FHL5: variants seen among roughly 807,000 people sequenced by gnomAD.
FHL5 encodes four and a half LIM domains protein 5.
A neutral mutation model predicts 32.0 loss-of-function variants in FHL5; 33 were observed. That is an observed-to-expected ratio of 1.03 (90% CI 0.78 to 1.38). FHL5 has a LOEUF of 1.38. FHL5 is among the 40% of genes most tolerant of loss of function. The pLI is 0.00. For synonymous variants in FHL5, 114 were observed against 113.6 expected (o/e 1.00, Z -0.02); for missense variants, 336 against 343.9 (o/e 0.98, Z 0.18).
At chr6:96,614,260 G>A (rs994308320) in intron 5 of FHL5, among the ~76,000 whole-genome samples, 1 of 152,146 alleles carries the variant, frequency 6.6e-6, no homozygotes, top group Non-Finnish European at 1.5e-5. Context: ...TTTATGAACA[G>A]CATAATTTAT....
At chr6:96,571,115 C>A (rs775918696) in intron 1 of FHL5, among the ~76,000 whole-genome samples, 1 of 152,038 alleles carries the variant, frequency 6.6e-6, no homozygotes. Context: ...GTGAAATAAT[C>A]ACCTTTTTCA....
intron 1 of FHL5, among the ~76,000 whole-genome samples, chr6:96,580,996 A>T (rs1340208954): frequency 6.6e-6 from 1 of 152,180 alleles, no homozygotes; most frequent in African/African-American, 2.4e-5. Context: ...CTTATATTTG[A>T]AAACATATTT....
chr6:96,593,881 C>T (rs959093521), intron 1 of FHL5, among the ~76,000 whole-genome samples: 31 of 151,994 alleles, frequency 2.0e-4, no homozygotes, highest in Non-Finnish European at 1.0e-4. Flanking sequence ...TTCACAGCAG[C>T]CTCATGGTTT....
At chr6:96,614,916 G>A (rs114342218) in intron 5 of FHL5, among the ~76,000 whole-genome samples, 2 of 152,160 alleles carry the variant, frequency 1.3e-5, no homozygotes, top group Non-Finnish European at 2.9e-5. Flanking sequence ...AACCAATCAC[G>A]TGATAACGTG....
At chr6:96,598,769 A>G (rs1771086853) in intron 1 of FHL5, among the ~76,000 whole-genome samples, 2 of 152,194 alleles carry the variant, frequency 1.3e-5, no homozygotes, top group Non-Finnish European at 2.9e-5. Flanking sequence ...TTAGTGATTT[A>G]TGAAATGTCC....
chr6:96,599,623 T>C (rs547378339), intron 1 of FHL5, among the ~76,000 whole-genome samples: 26 of 152,348 alleles, frequency 1.7e-4, no homozygotes, highest in African/African-American at 6.0e-4. Flanking sequence ...CATTATGTTC[T>C]TTGATATATC....
chr6:96,572,398 G>T (rs1652540835), intron 1 of FHL5, among the ~76,000 whole-genome samples: 3 of 152,244 alleles, frequency 2.0e-5, no homozygotes, highest in African/African-American at 4.8e-5. Flanking sequence ...GGAGGAGTTG[G>T]TAGAGCAATT....
intron 5 of FHL5, among the ~76,000 whole-genome samples, chr6:96,612,504 A>G (rs1162731775): frequency 6.6e-6 from 1 of 152,198 alleles, no homozygotes; most frequent in African/African-American, 2.4e-5. Flanking sequence ...CAATTCTGGT[A>G]TATCACAGAT....
intron 1 of FHL5, among the ~76,000 whole-genome samples, chr6:96,602,860 G>A (rs1489877667): frequency 1.3e-5 from 2 of 152,064 alleles, no homozygotes; most frequent in East Asian, 3.9e-4. Flanking sequence ...CTGCATCTGG[G>A]CAATTGTTCA....
At chr6:96,565,744 G>C (rs574445660) in intron 1 of FHL5, among the ~76,000 whole-genome samples, 1 of 152,034 alleles carries the variant, frequency 6.6e-6, no homozygotes, top group Admixed American at 6.5e-5. Flanking sequence ...TCTTGGGCTT[G>C]TTCTCCAGCT....
chr6:96,567,722 C>A (rs1034877581), intron 1 of FHL5, among the ~76,000 whole-genome samples: 2 of 149,700 alleles, frequency 1.3e-5, no homozygotes, highest in Admixed American at 1.3e-4. Context: ...TAAATATATT[C>A]CTACATGGCT....
At chr6:96,592,202 C>T (rs536127497) in intron 1 of FHL5, among the ~76,000 whole-genome samples, 1 of 152,216 alleles carries the variant, frequency 6.6e-6, no homozygotes, top group South Asian at 2.1e-4. Flanking sequence ...GGGCTTATTT[C>T]ATCCCTACAG....
rs970763296 is a variant in FHL5 at position 96,604,806 on chromosome 6, C to A, written c.216C>A (p.Cys72Ter). ...WHEGCFKCTK[C>*]NHSLVEKPFA... ...AAGGATGCTTCAAGTGCACCAAATG[C>A]AATCACTCTTTGGTGGAAAAGCCTT... Residue 72 changes from cysteine (C) to a stop codon, truncating the protein, a stop_gained, in exon 3 of 6, where the codon TGC (cysteine) becomes TGA (stop). Coordinates refer to ENST00000450218, the MANE Select transcript of FHL5 (RefSeq NM_001322466.2). LOFTEE classifies it high-confidence loss of function. The A allele has an allele frequency of 6.2e-7, 1 of 1,613,656 alleles. No individual in the cohort carries two copies. The highest frequency in any genetic ancestry group is 1.3e-5 in the African/African-American group (1 of 74,930).
chr6:96,566,230 A>G (rs1012037422), intron 1 of FHL5, among the ~76,000 whole-genome samples: 5 of 151,908 alleles, frequency 3.3e-5, no homozygotes, highest in African/African-American at 1.2e-4. Context: ...TAGCTTCTTC[A>G]TATTCATGAG....
intron 2 of FHL5, among the ~76,000 whole-genome samples, chr6:96,604,075 C>G (rs1472687018): frequency 1.3e-5 from 2 of 152,064 alleles, no homozygotes; most frequent in Admixed American, 6.5e-5. Context: ...TCTCAGTAAC[C>G]TTCTGGGTGT....
At chr6:96,586,018 G>T (rs1217133176) in intron 1 of FHL5, among the ~76,000 whole-genome samples, 1 of 152,100 alleles carries the variant, frequency 6.6e-6, no homozygotes, top group African/African-American at 2.4e-5. Flanking sequence ...AAACGAGAGG[G>T]GAGAGGGAAG....
At chr6:96,609,902 A>T (rs1408485556) in intron 4 of FHL5, among the ~76,000 whole-genome samples, 2 of 152,188 alleles carry the variant, frequency 1.3e-5, no homozygotes, top group African/African-American at 4.8e-5. Context: ...AATAGTCTGT[A>T]GTATGTAGAG....
chr6:96,578,488 G>A (rs1015613548), intron 1 of FHL5, among the ~76,000 whole-genome samples: 3 of 152,138 alleles, frequency 2.0e-5, no homozygotes, highest in African/African-American at 4.8e-5. Flanking sequence ...TGTTAACAAC[G>A]TGGTCCTAAA....
chr6:96,593,306 A>C (rs1175007844), intron 1 of FHL5, among the ~76,000 whole-genome samples: 1 of 151,972 alleles, frequency 6.6e-6, no homozygotes, highest in Admixed American at 6.6e-5. Flanking sequence ...TCCTGCATGT[A>C]TGTTTCTATT....
Sources: allele counts gnomAD v4.1 joint callset (sites outside exome capture counted in the v4.1 genomes callset), GRCh38; gene constraint gnomAD v4.1.1; transcripts MANE v1.5; gene names NCBI Gene and HGNC (gene_info 2026-07-23, HGNC 2026-07-21).